Variants in PTPRE observed in about 807,000 individuals in gnomAD.
The protein encoded by PTPRE is protein tyrosine phosphatase receptor type E.
A neutral mutation model predicts 102.0 loss-of-function variants in PTPRE; 51 were observed. The observed-to-expected ratio is 0.50, with a 90% CI of 0.40 to 0.63. PTPRE has a LOEUF of 0.63. Ranked by LOEUF, PTPRE falls within the 30% of genes least tolerant of loss-of-function variation. The pLI is 0.00. For synonymous variants in PTPRE, 345 were observed against 348.2 expected (o/e 0.99, Z 0.10); for missense variants, 752 against 915.1 (o/e 0.82, Z 2.30).
intron 1 of PTPRE, among the ~76,000 whole-genome samples, chr10:127,968,909 C>A (rs1016762923): frequency 6.6e-6 from 1 of 152,222 alleles, no homozygotes; most frequent in African/African-American, 2.4e-5. Context: ...AAATGAAACA[C>A]AATGGCTTAT....
intron 8 of PTPRE, 78 bp downstream of exon 8, chr10:128,061,093 A>G (rs1590185335): frequency 7.0e-7 from 1 of 1,433,346 alleles, no homozygotes; most frequent in Non-Finnish European, 9.8e-7. Context: ...TGGTGCCCGG[A>G]GTGTAAATTG....
chr10:127,988,608 G>A (rs775713056), intron 2 of PTPRE, among the ~76,000 whole-genome samples: 3 of 152,048 alleles, frequency 2.0e-5, no homozygotes, highest in South Asian at 2.1e-4. Context: ...CCTGGCCTGC[G>A]GTGACTTTTT....
At chr10:128,044,810 A>G (rs1847957657) in intron 3 of PTPRE, among the ~76,000 whole-genome samples, 1 of 152,272 alleles carries the variant, frequency 6.6e-6, no homozygotes, top group South Asian at 2.1e-4. Flanking sequence ...ATTGGTGCCC[A>G]GAGGACATAT....
intron 1 of PTPRE, among the ~76,000 whole-genome samples, chr10:127,978,673 G>C (rs989622297): frequency 6.6e-6 from 1 of 152,148 alleles, no homozygotes; most frequent in East Asian, 1.9e-4. Context: ...CTGTCTCCTC[G>C]CTCTGTGATG....
At chr10:127,996,616 G>A (rs1183248144) in intron 2 of PTPRE, among the ~76,000 whole-genome samples, 1 of 152,154 alleles carries the variant, frequency 6.6e-6, no homozygotes, top group African/African-American at 2.4e-5. Flanking sequence ...ATGCCTCCCG[G>A]CATTCGGCTT....
chr10:127,990,656 C>T (rs779133133), intron 2 of PTPRE, among the ~76,000 whole-genome samples: 3 of 152,028 alleles, frequency 2.0e-5, no homozygotes, highest in Non-Finnish European at 4.4e-5. Context: ...GGGGACCAGC[C>T]GCACTCATCC....
chr10:127,943,540 C>A (rs1488232358), intron 1 of PTPRE, among the ~76,000 whole-genome samples: 10 of 152,208 alleles, frequency 6.6e-5, no homozygotes, highest in African/African-American at 1.9e-4. Context: ...TCGGTGAAGA[C>A]CCCACCCACA....
chr10:127,929,492 A>G (rs1469842198), intron 1 of PTPRE: 1 of 152,212 alleles, frequency 6.6e-6, no homozygotes, highest in Admixed American at 6.5e-5. Context: ...GGTACAGAGG[A>G]CACAAAGATC....
chr10:127,915,112 T>C (rs1846119015), intron 1 of PTPRE, among the ~76,000 whole-genome samples: 1 of 152,224 alleles, frequency 6.6e-6, no homozygotes, highest in South Asian at 2.1e-4. Flanking sequence ...ATAGAAAGCA[T>C]GTAAATGCTC....
intron 2 of PTPRE, among the ~76,000 whole-genome samples, chr10:127,993,819 AC>A (rs1464342400): frequency 4.6e-5 from 7 of 151,638 alleles, no homozygotes; most frequent in African/African-American, 1.5e-4. Context: ...ATTTAATGTC[AC>A]ATTCCCCCAG....
intron 1 of PTPRE, among the ~76,000 whole-genome samples, chr10:127,951,574 A>T (rs902065094): frequency 2.0e-5 from 3 of 152,134 alleles, no homozygotes; most frequent in African/African-American, 7.2e-5. Flanking sequence ...GGGGTCCCTG[A>T]CCCCATCCAG....
In PTPRE at chr10:128,073,426, A is replaced by G. The variant is rs2275803; in HGVS notation, c.1554A>G (p.Lys518=). The G allele has an allele frequency of 0.21, 343,946 of 1,613,498 alleles. 37,453 individuals carry two copies. Among genetic ancestry groups the G allele is most frequent in the African/African-American group, 0.26 (19,693 of 74,938 alleles). ...TCTGGAGGATGATCTGGGAATGGAAATCCCACACTATCGTGATGCTGACGG... is the reference window on the plus strand; with the variant it reads ...TCTGGAGGATGATCTGGGAATGGAAGTCCCACACTATCGTGATGCTGACGG... ...EDFWRMIWEW[K]SHTIVMLTEV... is the part of the protein sequence containing the mutation. Residue 518 remains lysine (K), a synonymous_variant, in exon 17 of 21, where the codon AAA becomes AAG. Coordinates refer to ENST00000254667, the MANE Select transcript of PTPRE (RefSeq NM_006504.6).
At position 128,047,403 on chromosome 10, in the gene PTPRE, G is replaced by C. The variant is rs761732589; in HGVS notation, c.123G>C (p.Pro41=). ...CTTCTCCTGCAGGCCCTCCGGACCC[G>C]GGCGCCTCCCAGCCGCTGCTGGCCT... ...ETTTTSGPPD[P]GASQPLLAWL... is the part of the protein sequence containing the mutation. Residue 41 remains proline (P), a synonymous_variant, in exon 4 of 21, where the codon CCG becomes CCC. Coordinates refer to ENST00000254667, the MANE Select transcript of PTPRE (RefSeq NM_006504.6). 21 of 1,612,734 alleles carry C rather than the reference G, an allele frequency of 1.3e-5. No homozygotes were observed. Among genetic ancestry groups the C allele is most frequent in the Non-Finnish European group, 4.2e-6 (5 of 1,179,898 alleles).
At chr10:128,074,161 A>G (rs1452329066) in intron 17 of PTPRE, among the ~76,000 whole-genome samples, 2 of 152,188 alleles carry the variant, frequency 1.3e-5, no homozygotes, top group East Asian at 1.9e-4. Flanking sequence ...GGACATTATT[A>G]TAAATGGAAT....
At chr10:127,940,206 C>T (rs1848139465) in intron 1 of PTPRE, among the ~76,000 whole-genome samples, 1 of 151,908 alleles carries the variant, frequency 6.6e-6, no homozygotes, top group African/African-American at 2.4e-5. Flanking sequence ...CTTGCCCATC[C>T]TATACACCCA....
rs1564948186 is a variant in PTPRE at position 128,063,140 on chromosome 10, C to T, written c.683C>T (p.Ala228Val). 1.5e-5 allele frequency: 25 copies of T among 1,614,088 alleles called. No homozygotes were observed. The highest frequency in any genetic ancestry group is 3.3e-5 in the Admixed American group (2 of 60,012). ...AGAATGGTCTGGGAGCAAAAGTCTG[C>T]GACCATCGTCATGTTAACAAACTTG... Reference protein sequence around the residue: ...FWRMVWEQKSATIVMLTNLKE... With the variant: ...FWRMVWEQKSVTIVMLTNLKE... The change falls in exon 10 of 21, where the codon GCG (alanine) becomes GTG (valine). Residue 228 changes from alanine (A) to valine (V), a missense_variant. By Grantham distance (64) the Ala-to-Val change is moderately conservative. Transcript: ENST00000254667.
At chr10:128,060,887 C>A (rs1265868524) in intron 7 of PTPRE, 52 bp from the exon 8 acceptor site, 3 of 1,533,540 alleles carry the variant, frequency 2.0e-6, no homozygotes, top group Non-Finnish European at 2.7e-6. Flanking sequence ...GAAGAGACAG[C>A]ACTGTGATTC....
chr10:127,947,020 C>CAAAAA (rs59527787), intron 1 of PTPRE, among the ~76,000 whole-genome samples: 7,162 of 82,056 alleles, frequency 0.087, 308 homozygotes, highest in East Asian at 0.21. Flanking sequence ...GACCCTGTCT[C>CAAAAA]AAAAAAAAAA....
At position 128,085,572 on chromosome 10, in the gene PTPRE, C is replaced by A. The variant is rs1852029281; in HGVS notation, c.*2666C>A. 1 of 152,794 alleles carries A rather than the reference C, an allele frequency of 6.5e-6. No individual in the cohort carries two copies. Among genetic ancestry groups the A allele is most frequent in the African/African-American group, 2.4e-5 (1 of 41,424 alleles). 9.5% of individuals were successfully genotyped at this position (152,794 alleles called of 1,614,324 possible). ...AACACTTTTTTAAATGAGCCTGACA[C>A]CTGTGTTTCAGCATTTGGAGACATC... On this transcript the variant is annotated 3_prime_UTR_variant, in exon 21 of 21. Transcript: ENST00000254667.
Sources: gnomAD v4.1 joint callset for allele counts (sites outside exome capture counted in the v4.1 genomes callset) on GRCh38, gnomAD v4.1.1 for gene constraint, MANE v1.5 for transcripts, NCBI Gene and HGNC (gene_info 2026-07-23, HGNC 2026-07-21) for gene names.